The following LRP1B variants were observed in gnomAD, a reference collection of about 807,000 sequenced individuals.
The protein encoded by LRP1B is low-density lipoprotein receptor-related protein 1B.
Under a neutral mutation model 556.6 loss-of-function variants are expected in LRP1B, and 217 were observed. The observed-to-expected ratio is 0.39, with a 90% CI of 0.35 to 0.44. LRP1B has a LOEUF of 0.44. Among genes scored for constraint, LRP1B ranks in the 20% least tolerant of loss-of-function variants. The probability of loss-of-function intolerance (pLI) is 1.00; values close to 1 mark genes in which losing one functional copy is unlikely to be tolerated. For synonymous variants in LRP1B, 2,047 were observed against 1,865.8 expected, an observed-to-expected ratio of 1.10 and a Z score of -2.50; for missense variants, 5,053 against 5,620.8, an observed-to-expected ratio of 0.90 and a Z score of 3.23.
chr2:140,681,377 G>T (rs1437840337), intron 41 of LRP1B, among the ~76,000 whole-genome samples: 3 of 151,978 alleles, frequency 2.0e-5, no homozygotes, highest in Admixed American at 2.0e-4. Context: ...TTTATATTAA[G>T]AAATAATACT....
intron 2 of LRP1B, among the ~76,000 whole-genome samples, chr2:141,582,773 T>C (rs576359313): frequency 1.3e-5 from 2 of 151,918 alleles, no homozygotes; most frequent in African/African-American, 2.4e-5. Flanking sequence ...AAAAAATTAG[T>C]TTGAGGATTC....
chr2:141,279,695 G>A (rs1027382533), intron 3 of LRP1B, among the ~76,000 whole-genome samples: 6 of 152,046 alleles, frequency 3.9e-5, no homozygotes, highest in Admixed American at 2.6e-4. Flanking sequence ...TCCTCTCAAC[G>A]AAGATGTGAT....
intron 2 of LRP1B, among the ~76,000 whole-genome samples, chr2:141,544,371 T>TCC (rs1420895738): frequency 1.4e-4 from 16 of 113,880 alleles, no homozygotes; most frequent in African/African-American, 4.8e-4. Flanking sequence ...CTTCTTCTTC[T>TCC]TCTTCTTCTT....
chr2:141,167,005 A>G (rs970683883), intron 7 of LRP1B, among the ~76,000 whole-genome samples: 2 of 151,974 alleles, frequency 1.3e-5, no homozygotes, highest in African/African-American at 2.4e-5. Context: ...CTGTAGGTAC[A>G]CACTGAAATC....
intron 67 of LRP1B, among the ~76,000 whole-genome samples, chr2:140,383,800 G>A (rs1683642505): frequency 6.6e-6 from 1 of 151,990 alleles, no homozygotes; most frequent in Non-Finnish European, 1.5e-5. Context: ...TGTCTTAGTC[G>A]ACAAGCTCAG....
At chr2:140,510,082 T>C (rs2104917960) in intron 51 of LRP1B, 26 bp from the exon 52 acceptor site, 2 of 1,610,796 alleles carry the variant, frequency 1.2e-6, no homozygotes, top group Non-Finnish European at 1.7e-6. Context: ...ATAATGCCAT[T>C]AAGATTACTC....
intron 59 of LRP1B, among the ~76,000 whole-genome samples, chr2:140,479,217 A>C (rs1688113764): frequency 6.6e-6 from 1 of 152,024 alleles, no homozygotes; most frequent in African/African-American, 2.4e-5. Flanking sequence ...CTATTGCTAT[A>C]CTTTTTTTTT....
At chr2:141,961,155 G>C (rs191863787) in intron 1 of LRP1B, among the ~76,000 whole-genome samples, 4 of 151,378 alleles carry the variant, frequency 2.6e-5, no homozygotes, top group African/African-American at 9.7e-5. Context: ...AGGTAATTTG[G>C]CCAAATTAAA....
chr2:140,456,532 G>C lies in LRP1B; in HGVS notation c.9886C>G (p.His3296Asp). Residue 3296 changes from histidine to aspartate, a missense_variant, in exon 62 of 91, where the codon CAC becomes GAC. By Grantham distance (81) the His-to-Asp change is moderately conservative. This residue lies in a region of LRP1B where 262 missense variants were observed against 395.1 expected (regional missense o/e 0.66). Transcript: ENST00000389484. ...AAGTTAGTGGGACATGCACAAGTGT[G>C]GGTTTTTCCAGGGGCTAAAAGGCAC... ...HLCLLAPGKT[H>D]TCACPTNFYL... 3.1e-6 allele frequency: 5 copies of C among 1,613,334 alleles called. No homozygotes were observed. Among genetic ancestry groups the C allele is most frequent in the Non-Finnish European group, 4.2e-6 (5 of 1,179,526 alleles).
chr2:141,593,084 C>T (rs1687396948), intron 2 of LRP1B, among the ~76,000 whole-genome samples: 1 of 152,088 alleles, frequency 6.6e-6, no homozygotes, highest in South Asian at 2.1e-4. Context: ...ACAAACAAAA[C>T]TCTAGAGAAG....
chr2:141,427,167 A>G (rs1680398886), intron 3 of LRP1B, among the ~76,000 whole-genome samples: 1 of 152,162 alleles, frequency 6.6e-6, no homozygotes, highest in African/African-American at 2.4e-5. Flanking sequence ...ACCAAAAGCA[A>G]CTTAGGCATT....
chr2:140,377,273 C>T (rs1033472068), intron 68 of LRP1B, among the ~76,000 whole-genome samples: 1 of 152,116 alleles, frequency 6.6e-6, no homozygotes, highest in Non-Finnish European at 1.5e-5. Flanking sequence ...GACAGGGTTT[C>T]ACCATGTTGG....
At chr2:140,793,131 C>T (rs1025529419) in intron 32 of LRP1B, among the ~76,000 whole-genome samples, 2 of 151,716 alleles carry the variant, frequency 1.3e-5, no homozygotes, top group African/African-American at 4.8e-5. Flanking sequence ...AAATTTTAGC[C>T]ATTTTAAGTA....
chr2:140,715,468 G>A (rs1415701793), intron 37 of LRP1B, among the ~76,000 whole-genome samples: 1 of 151,868 alleles, frequency 6.6e-6, no homozygotes, highest in African/African-American at 2.4e-5. Context: ...TACTCATGAA[G>A]CATCCAGATG....
At chr2:141,157,674 C>T (rs1553468359) in intron 7 of LRP1B, among the ~76,000 whole-genome samples, 2 of 152,014 alleles carry the variant, frequency 1.3e-5, no homozygotes, top group Non-Finnish European at 2.9e-5. Flanking sequence ...ATATTCTCGT[C>T]ATTAATTACA....
At chr2:140,868,340 C>A (rs1477412231) in intron 25 of LRP1B, 77 bp from the exon 26 acceptor site, 172 of 1,343,318 alleles carry the variant, frequency 1.3e-4, no homozygotes, top group Non-Finnish European at 1.7e-4. Context: ...GAGTGCCTAC[C>A]ATATGCTAGG....
At chr2:141,259,396 C>T (rs781383538) in intron 3 of LRP1B, among the ~76,000 whole-genome samples, 27 of 152,174 alleles carry the variant, frequency 1.8e-4, no homozygotes, top group African/African-American at 9.7e-5. Flanking sequence ...AAAAAGATGA[C>T]ATTCCCCAGT....
chr2:142,051,793 T>C (rs1328066919), intron 1 of LRP1B, among the ~76,000 whole-genome samples: 4 of 152,072 alleles, frequency 2.6e-5, no homozygotes, highest in Non-Finnish European at 1.5e-5. Context: ...CCCCACCATA[T>C]AGTTCTCAAA....
chr2:141,618,798 G>A (rs2105332779), intron 2 of LRP1B, among the ~76,000 whole-genome samples: 1 of 152,286 alleles, frequency 6.6e-6, no homozygotes, highest in African/African-American at 2.4e-5. Context: ...TCACCCTTCT[G>A]CACCTCATGT....
Sources: gnomAD v4.1 joint callset for allele counts (sites outside exome capture counted in the v4.1 genomes callset) on GRCh38, gnomAD v4.1.1 for gene constraint, gnomAD v4.1.1 regional missense constraint, MANE v1.5 for transcripts, NCBI Gene and HGNC (gene_info 2026-07-23, HGNC 2026-07-21) for gene names.